The following GPC5 variants were observed in gnomAD, a reference collection of about 807,000 sequenced individuals.
The protein encoded by GPC5 is glypican 5, also known as glypican-5.
Under a neutral mutation model 53.9 loss-of-function variants are expected in GPC5, and 47 were observed. The ratio of observed to expected loss-of-function variants is 0.87; its 90% CI spans 0.69 to 1.11. The LOEUF is 1.11. Among genes scored for constraint, GPC5 ranks in the 50% most tolerant of loss-of-function variants. The pLI is 0.00. For missense variants in GPC5, 748 were observed against 713.1 expected, an observed-to-expected ratio of 1.05 and a Z score of -0.56; for synonymous variants, 286 against 263.3, an observed-to-expected ratio of 1.09 and a Z score of -0.84.
intron 1 of GPC5, among the ~76,000 whole-genome samples, chr13:91,410,614 G>A (rs1446542496): frequency 5.9e-5 from 9 of 151,844 alleles, no homozygotes; most frequent in Non-Finnish European, 1.0e-4. Flanking sequence ...CCAAAGAGCT[G>A]GGATTACAGG....
chr13:92,284,258 A>G (rs543747250), intron 7 of GPC5, among the ~76,000 whole-genome samples: 38 of 151,390 alleles, frequency 2.5e-4, no homozygotes, highest in Non-Finnish European at 4.6e-4. Flanking sequence ...TAGCCTACCA[A>G]CCAAAAAAAA....
intron 6 of GPC5, among the ~76,000 whole-genome samples, chr13:92,009,267 T>TGTGC (rs1229228792): frequency 2.6e-5 from 4 of 151,410 alleles, no homozygotes; most frequent in Non-Finnish European, 5.9e-5. Flanking sequence ...TGTGTGTGTG[T>TGTGC]GTGTGTGTGT....
At chr13:92,429,486 A>G (rs1464304964) in intron 7 of GPC5, among the ~76,000 whole-genome samples, 2 of 151,820 alleles carry the variant, frequency 1.3e-5, no homozygotes, top group Non-Finnish European at 2.9e-5. Flanking sequence ...AATACATTCA[A>G]TTTTTATAAA....
intron 7 of GPC5, among the ~76,000 whole-genome samples, chr13:92,205,315 G>A (rs1345749033): frequency 1.3e-5 from 2 of 152,124 alleles, no homozygotes; most frequent in Non-Finnish European, 2.9e-5. Flanking sequence ...AGGCATGATT[G>A]ATTGATTAAT....
intron 7 of GPC5, among the ~76,000 whole-genome samples, chr13:92,296,372 TG>T (rs1467531494): frequency 3.3e-5 from 5 of 151,478 alleles, no homozygotes; most frequent in Non-Finnish European, 2.9e-5. Context: ...GGCCACTGGG[TG>T]GGGGTAGAGC....
chr13:92,002,435 T>G (rs2040563889), intron 6 of GPC5, among the ~76,000 whole-genome samples: 1 of 152,104 alleles, frequency 6.6e-6, no homozygotes, highest in African/African-American at 2.4e-5. Context: ...TTCCAAGAAC[T>G]GGGCAGGAGT....
intron 3 of GPC5, among the ~76,000 whole-genome samples, chr13:91,708,925 C>A (rs1404859764): frequency 6.6e-6 from 1 of 152,086 alleles, no homozygotes; most frequent in Non-Finnish European, 1.5e-5. Flanking sequence ...ACTACAAGGT[C>A]CTTCAGATAA....
At chr13:92,412,158 GA>G (rs1876072495) in intron 7 of GPC5, among the ~76,000 whole-genome samples, 1 of 152,124 alleles carries the variant, frequency 6.6e-6, no homozygotes. Context: ...GAGAATAGTT[GA>G]AAAAACTCTT....
chr13:92,779,621 G>A (rs987815377), intron 7 of GPC5, among the ~76,000 whole-genome samples: 1 of 152,006 alleles, frequency 6.6e-6, no homozygotes, highest in Non-Finnish European at 1.5e-5. Flanking sequence ...TTATCCCAAA[G>A]TACTGGGATT....
At chr13:92,051,199 C>CTTTTTTTTTTTT (rs72346282) in intron 6 of GPC5, among the ~76,000 whole-genome samples, 1 of 73,910 alleles carries the variant, frequency 1.4e-5, no homozygotes. Context: ...TCATTTTTTT[C>CTTTTTTTTTTTT]TTTTTTTTTT....
At chr13:92,394,442 C>G (rs751870624) in intron 7 of GPC5, among the ~76,000 whole-genome samples, 5 of 152,038 alleles carry the variant, frequency 3.3e-5, no homozygotes, top group African/African-American at 4.8e-5. Flanking sequence ...AAAAAAGACC[C>G]CAGAGAGCAC....
At chr13:92,615,860 C>T (rs1017836093) in intron 7 of GPC5, among the ~76,000 whole-genome samples, 7 of 152,072 alleles carry the variant, frequency 4.6e-5, no homozygotes, top group African/African-American at 1.7e-4. Flanking sequence ...CGAGACCATC[C>T]TGGCTAACAG....
chr13:92,358,201 A>G (rs908622498), intron 7 of GPC5, among the ~76,000 whole-genome samples: 1 of 151,802 alleles, frequency 6.6e-6, no homozygotes, highest in Non-Finnish European at 1.5e-5. Flanking sequence ...AAAACCCAGC[A>G]TGGCAGTCAA....
chr13:92,350,411 A>G (rs1426806044), intron 7 of GPC5, among the ~76,000 whole-genome samples: 1 of 152,176 alleles, frequency 6.6e-6, no homozygotes, highest in African/African-American at 2.4e-5. Context: ...GAAATAAATG[A>G]ATTATGCTAA....
At chr13:92,796,994 A>G (rs1876708992) in intron 7 of GPC5, among the ~76,000 whole-genome samples, 1 of 151,972 alleles carries the variant, frequency 6.6e-6, no homozygotes, top group African/African-American at 2.4e-5. Flanking sequence ...CCTAAGAAAT[A>G]AAATGTGTAT....
intron 5 of GPC5, among the ~76,000 whole-genome samples, chr13:91,827,019 C>T (rs1257459018): frequency 6.6e-6 from 1 of 151,400 alleles, no homozygotes; most frequent in African/African-American, 2.4e-5. Context: ...TGTTTGGTAG[C>T]ATAATAGGGT....
intron 6 of GPC5, among the ~76,000 whole-genome samples, chr13:92,068,562 A>G (rs1303151538): frequency 6.6e-6 from 1 of 151,498 alleles, no homozygotes; most frequent in Non-Finnish European, 1.5e-5. Context: ...TGATCCCCTA[A>G]GGAAAGCTTT....
chr13:91,648,140 T>C (rs16946374), intron 2 of GPC5, among the ~76,000 whole-genome samples: 9,874 of 152,234 alleles, frequency 0.065, 1,082 homozygotes, highest in African/African-American at 0.22. Context: ...TGAAAAATAC[T>C]TTAGCATACA....
intron 7 of GPC5, among the ~76,000 whole-genome samples, chr13:92,658,196 C>T (rs1221969074): frequency 6.6e-6 from 1 of 152,086 alleles, no homozygotes; most frequent in Non-Finnish European, 1.5e-5. Flanking sequence ...TATGGGCTAG[C>T]TTCCACCATC....
Sources: gnomAD v4.1 joint callset for allele counts (sites outside exome capture counted in the v4.1 genomes callset) on GRCh38, gnomAD v4.1.1 for gene constraint, MANE v1.5 for transcripts, NCBI Gene and HGNC (gene_info 2026-07-23, HGNC 2026-07-21) for gene names.